DENND5A: variants seen among roughly 807,000 people sequenced by gnomAD.
DENND5A encodes the protein DENN domain containing 5A, also known as DENN domain-containing protein 5A.
Under a neutral mutation model 140.3 loss-of-function variants are expected in DENND5A, and 64 were observed. That is an observed-to-expected ratio of 0.46 (90% CI 0.37 to 0.56). DENND5A has a LOEUF of 0.56. Among genes scored for constraint, DENND5A ranks in the 20% least tolerant of loss-of-function variants. The probability of loss-of-function intolerance (pLI) is 0.00; values close to 1 mark genes in which losing one functional copy is unlikely to be tolerated. For synonymous variants in DENND5A, 605 were observed against 607.7 expected, an observed-to-expected ratio of 1.00 and a Z score of 0.07; for missense variants, 1,292 against 1,593.8, an observed-to-expected ratio of 0.81 and a Z score of 3.22.
intron 12 of DENND5A, among the ~76,000 whole-genome samples, chr11:9,155,833 G>A (rs546271734): frequency 1.3e-4 from 20 of 152,350 alleles, no homozygotes; most frequent in African/African-American, 4.8e-4. Flanking sequence ...AAAGAGAGTG[G>A]TGAGGATAAC....
At chr11:9,144,709 A>C (rs979065912) in intron 18 of DENND5A, among the ~76,000 whole-genome samples, 6 of 151,938 alleles carry the variant, frequency 3.9e-5, no homozygotes, top group Admixed American at 6.5e-5. Flanking sequence ...GAATCGCCTC[A>C]GCCCAGGAGG....
intron 1 of DENND5A, 108 bp downstream of exon 1, chr11:9,264,853 C>T (rs1053136666): frequency 2.9e-6 from 3 of 1,023,324 alleles, no homozygotes; most frequent in Non-Finnish European, 4.3e-6. Flanking sequence ...TCCTCCCGGC[C>T]GACACTCGCC....
chr11:9,255,955 G>A (rs1432539189), intron 1 of DENND5A, among the ~76,000 whole-genome samples: 1 of 151,564 alleles, frequency 6.6e-6, no homozygotes, highest in Non-Finnish European at 1.5e-5. Context: ...GAACCCGGGA[G>A]GCAGTGGTTG....
intron 19 of DENND5A, 73 bp downstream of exon 19, chr11:9,144,024 T>C: frequency 6.6e-7 from 1 of 1,517,398 alleles, no homozygotes; most frequent in African/African-American, 1.4e-5. Flanking sequence ...AGGTTCCCAT[T>C]ATCAGGGCTC....
At chr11:9,252,289 C>A (rs1293233047) in intron 1 of DENND5A, among the ~76,000 whole-genome samples, 2 of 136,832 alleles carry the variant, frequency 1.5e-5, no homozygotes, top group Non-Finnish European at 3.1e-5. Flanking sequence ...GAGCAAGACT[C>A]CGTCTCAAAA....
chr11:9,170,771 G>A lies in DENND5A; in HGVS notation c.1913C>T (p.Ala638Val). 6.2e-7 allele frequency: 1 copy of A among 1,612,120 alleles called. No homozygotes were observed. Among genetic ancestry groups the A allele is most frequent in the South Asian group, 1.1e-5 (1 of 91,042 alleles). ...AATTTTTGCCAGACGCAGCTCAATT[G>A]CTTTCTCTGGATGAGAATACACACA... ...KCTTVDEAEK[A>V]IELRLAKIDH... Residue 638 changes from alanine to valine, a missense_variant, in exon 9 of 23, where the codon GCA (alanine) becomes GTA (valine). Coordinates refer to ENST00000328194, the MANE Select transcript of DENND5A (RefSeq NM_015213.4).
intron 11 of DENND5A, among the ~76,000 whole-genome samples, chr11:9,162,756 A>C (rs1046398683): frequency 6.6e-6 from 1 of 151,952 alleles, no homozygotes. Context: ...ACTGGAGTGC[A>C]GTGGCTCGAT....
intron 1 of DENND5A, among the ~76,000 whole-genome samples, chr11:9,257,482 CTT>C (rs1281178041): frequency 2.5e-5 from 3 of 119,012 alleles, no homozygotes; most frequent in Non-Finnish European, 3.5e-5. Context: ...ACACAGTATT[CTT>C]TTTTTTTTTT....
chr11:9,237,418 G>A (rs544435155), intron 1 of DENND5A, among the ~76,000 whole-genome samples: 9 of 151,962 alleles, frequency 5.9e-5, no homozygotes, highest in South Asian at 2.1e-4. Context: ...GTGAAACTCC[G>A]TCTCCAGAAA....
At chr11:9,142,239 T>C (rs1325958160) in intron 21 of DENND5A, 131 bp from the exon 22 acceptor site, 5 of 642,798 alleles carry the variant, frequency 7.8e-6, no homozygotes, top group Non-Finnish European at 1.0e-5. Context: ...AGTGTTCTGA[T>C]GTCACTGGTC....
chr11:9,168,500 C>T (rs568748734), intron 10 of DENND5A, among the ~76,000 whole-genome samples: 1 of 152,092 alleles, frequency 6.6e-6, no homozygotes, highest in Non-Finnish European at 1.5e-5. Flanking sequence ...TGAAAACAGA[C>T]TAATACACTC....
At chr11:9,213,926 A>G (rs9666585) in intron 1 of DENND5A, among the ~76,000 whole-genome samples, 3,730 of 152,158 alleles carry the variant, frequency 0.025, 72 homozygotes, top group Non-Finnish European at 0.036. Context: ...TATAAGGTCT[A>G]TTTCATATTA....
rs146095124 is a variant in DENND5A at position 9,213,625 on chromosome 11, T to A, written c.110-5993A>T. On this transcript the variant is annotated intron_variant, in intron 1 of 22. Transcript: ENST00000328194. ...GAGTTCAAGACCAGCTGGGCCAACA[T>A]GGTGAAAACCCATCTCTACTAAAAC... is the stretch of plus-strand genomic sequence containing the variant. 4.9e-3 allele frequency among the ~76,000 whole-genome samples: 733 copies of A among 151,078 alleles called. 3 individuals carry two copies. Among genetic ancestry groups the A allele is most frequent in the African/African-American group, 0.017 (703 of 41,176 alleles).
intron 4 of DENND5A, among the ~76,000 whole-genome samples, chr11:9,197,361 T>A (rs1302939890): frequency 1.3e-5 from 2 of 148,368 alleles, no homozygotes; most frequent in East Asian, 2.0e-4. Context: ...AGGGAATTTT[T>A]AAAAATTAAG....
intron 5 of DENND5A, among the ~76,000 whole-genome samples, chr11:9,192,961 A>G (rs1849189620): frequency 1.3e-5 from 2 of 152,262 alleles, no homozygotes; most frequent in Admixed American, 1.3e-4. Flanking sequence ...ACAGTGGCTC[A>G]TGCCTATAAT....
intron 1 of DENND5A, among the ~76,000 whole-genome samples, chr11:9,215,550 C>CTTTT (rs10655528): frequency 4.3e-5 from 6 of 140,504 alleles, no homozygotes; most frequent in African/African-American, 1.1e-4. Flanking sequence ...ATCCTGTGTT[C>CTTTT]TTTTTTTTTT....
chr11:9,185,065 C>T (rs1848862854), intron 5 of DENND5A, among the ~76,000 whole-genome samples: 2 of 152,146 alleles, frequency 1.3e-5, no homozygotes, highest in African/African-American at 4.8e-5. Flanking sequence ...GTGGCACACA[C>T]CTGTAATCCC....
At chr11:9,197,143 A>G (rs538501401) in intron 4 of DENND5A, among the ~76,000 whole-genome samples, 1 of 151,216 alleles carries the variant, frequency 6.6e-6, no homozygotes, top group East Asian at 2.0e-4. Flanking sequence ...CGTCTCTACT[A>G]AAAACACAAA....
At chr11:9,223,769 C>G (rs1438078603) in intron 1 of DENND5A, among the ~76,000 whole-genome samples, 1 of 152,158 alleles carries the variant, frequency 6.6e-6, no homozygotes, top group Non-Finnish European at 1.5e-5. Flanking sequence ...TATCCTTCAA[C>G]CTATTGCCTG....
Sources: allele counts gnomAD v4.1 joint callset (sites outside exome capture counted in the v4.1 genomes callset), GRCh38; gene constraint gnomAD v4.1.1; transcripts MANE v1.5; gene names NCBI Gene and HGNC (gene_info 2026-07-23, HGNC 2026-07-21).